Variants in CDA observed in about 807,000 individuals in gnomAD.
CDA encodes the protein cytidine deaminase, also known as cytidine aminohydrolase.
CDA carries 7 observed loss-of-function variants against 15.0 expected under a neutral mutation model. The observed-to-expected ratio is 0.47, with a 90% CI of 0.26 to 0.87. The LOEUF is 0.87. CDA is among the 40% of genes least tolerant of loss of function. The probability of loss-of-function intolerance (pLI) is 0.15; values close to 1 mark genes in which losing one functional copy is unlikely to be tolerated. For missense variants in CDA, 159 were observed against 182.7 expected (o/e 0.87, Z 0.75); for synonymous variants, 58 against 73.0 (o/e 0.79, Z 1.05).
At chr1:20,591,327 C>T (rs537223445) in intron 1 of CDA, among the ~76,000 whole-genome samples, 41 of 151,980 alleles carry the variant, frequency 2.7e-4, no homozygotes, top group African/African-American at 4.1e-4. Context: ...GGCGACAGAG[C>T]GAGACTCTGT....
At chr1:20,612,833 C>T (rs2052765457) in intron 2 of CDA, among the ~76,000 whole-genome samples, 1 of 150,928 alleles carries the variant, frequency 6.6e-6, no homozygotes, top group Non-Finnish European at 1.5e-5. Flanking sequence ...ATCCCAGCTA[C>T]TCGGGAGGTT....
intron 2 of CDA, among the ~76,000 whole-genome samples, chr1:20,609,076 C>T (rs909214792): frequency 2.0e-5 from 3 of 152,158 alleles, no homozygotes; most frequent in African/African-American, 7.2e-5. Flanking sequence ...TTGTTGAAGC[C>T]TACACCAAAT....
chr1:20,593,192 T>C (rs1440257652), intron 1 of CDA, among the ~76,000 whole-genome samples: 1 of 152,046 alleles, frequency 6.6e-6, no homozygotes, highest in African/African-American at 2.4e-5. Flanking sequence ...CTGACTGAGG[T>C]GAGGCATTGA....
chr1:20,615,151 C>T (rs912175533), intron 3 of CDA, among the ~76,000 whole-genome samples: 7 of 152,008 alleles, frequency 4.6e-5, no homozygotes, highest in Non-Finnish European at 1.0e-4. Context: ...TGAGCCACCG[C>T]GCCCAGCCTG....
intron 2 of CDA, among the ~76,000 whole-genome samples, chr1:20,611,507 G>A (rs12068596): frequency 0.9 from 137,004 of 152,222 alleles, 62,022 homozygotes; most frequent in Middle Eastern, 0.96. Flanking sequence ...CAGCCTCCTG[G>A]GTAGCTGGGA....
chr1:20,611,950 C>T (rs1240214663), intron 2 of CDA, among the ~76,000 whole-genome samples: 1 of 152,114 alleles, frequency 6.6e-6, no homozygotes, highest in East Asian at 1.9e-4. Context: ...GCAACCTCCG[C>T]CTCCCAGGCT....
intron 2 of CDA, among the ~76,000 whole-genome samples, chr1:20,610,314 T>A (rs1191696646): frequency 6.6e-6 from 1 of 150,844 alleles, no homozygotes; most frequent in East Asian, 1.9e-4. Flanking sequence ...ATTTTTATTT[T>A]TTTTTGAGAT....
intron 2 of CDA, among the ~76,000 whole-genome samples, chr1:20,606,514 C>T (rs774319943): frequency 8.5e-5 from 13 of 152,234 alleles, no homozygotes; most frequent in Non-Finnish European, 1.8e-4. Flanking sequence ...CATTCCACTA[C>T]ATCATGCTGT....
intron 1 of CDA, among the ~76,000 whole-genome samples, chr1:20,599,068 T>C (rs1570378506): frequency 6.6e-6 from 1 of 152,128 alleles, no homozygotes; most frequent in South Asian, 2.1e-4. Context: ...TTTAGATAGG[T>C]GATCGGAGAA....
intron 2 of CDA, among the ~76,000 whole-genome samples, chr1:20,606,891 T>A (rs1336028633): frequency 1.3e-5 from 2 of 152,230 alleles, no homozygotes; most frequent in Non-Finnish European, 2.9e-5. Flanking sequence ...AATGACTTAA[T>A]GGTGAATTGC....
chr1:20,600,888 G>C (rs2052637987), intron 1 of CDA, among the ~76,000 whole-genome samples: 1 of 152,166 alleles, frequency 6.6e-6, no homozygotes, highest in Non-Finnish European at 1.5e-5. Flanking sequence ...ACTCAGCAGA[G>C]AGACTGAGCA....
At position 20,604,916 on chromosome 1, in the gene CDA, C is replaced by T. The variant is rs2154532355; in HGVS notation, c.155-12C>T. The stretch of plus-strand genomic sequence containing the variant: ...CTGCCAGACATACCACTGGACTCTG[C>T]TCTCTTCTCAGGGTGCAACATAGAA... On this transcript the variant is annotated splice_polypyrimidine_tract_variant and intron_variant, in intron 1 of 3. Coordinates refer to ENST00000375071, the MANE Select transcript of CDA (RefSeq NM_001785.3). The T allele has an allele frequency of 5.7e-6, 9 of 1,572,344 alleles. No individual in the cohort carries two copies. Among genetic ancestry groups the T allele is most frequent in the Non-Finnish European group, 6.1e-6 (7 of 1,144,372 alleles).
chr1:20,606,675 T>C (rs1157767425), intron 2 of CDA, among the ~76,000 whole-genome samples: 1 of 152,170 alleles, frequency 6.6e-6, no homozygotes, highest in Non-Finnish European at 1.5e-5. Context: ...ACAGTAGTTA[T>C]GGTTCAAACT....
chr1:20,599,617 CAAAATAAAATAAAAT>C (rs57315099), intron 1 of CDA, among the ~76,000 whole-genome samples: 26 of 108,034 alleles, frequency 2.4e-4, no homozygotes, highest in African/African-American at 8.3e-4. Context: ...ACTCCGTCTC[CAAAATAAAATAAAAT>C]AAAATAAAAT....
At chr1:20,600,103 A>G (rs2052627938) in intron 1 of CDA, among the ~76,000 whole-genome samples, 1 of 152,176 alleles carries the variant, frequency 6.6e-6, no homozygotes, top group South Asian at 2.1e-4. Flanking sequence ...TAACTGGCCT[A>G]TTACATGTTT....
At chr1:20,602,587 C>G (rs1026491066) in intron 1 of CDA, among the ~76,000 whole-genome samples, 1 of 152,138 alleles carries the variant, frequency 6.6e-6, no homozygotes, top group Admixed American at 6.5e-5. Context: ...CCATGCCAGG[C>G]TAATTTTTGT....
rs1057505037 is a variant in CDA at position 20,618,696 on chromosome 1, A to G, written c.*128A>G. ...GACTGGGCAAAGATGATGTTTCCAG[A>G]TTACACTCCAGCCTGAGTCAGCACC... On this transcript the variant is annotated 3_prime_UTR_variant, in exon 4 of 4. Coordinates refer to ENST00000375071, the MANE Select transcript of CDA (RefSeq NM_001785.3). 9.6e-6 allele frequency: 7 copies of G among 725,586 alleles called. No homozygotes were observed. The highest frequency in any genetic ancestry group is 1.8e-5 in the Non-Finnish European group (7 of 398,678). The allele number at this position is 725,586 out of a possible 1,614,324, so 44.9% of individuals were successfully genotyped here. A position where few individuals can be genotyped will look rare whatever the true frequency, so the allele number is the denominator to read the frequency against.
intron 1 of CDA, among the ~76,000 whole-genome samples, chr1:20,599,191 G>A (rs1570378590): frequency 6.6e-6 from 1 of 152,296 alleles, no homozygotes; most frequent in African/African-American, 2.4e-5. Flanking sequence ...CCCTGTGGCA[G>A]GAGCATACTG....
chr1:20,592,680 G>C (rs2052559216), intron 1 of CDA, among the ~76,000 whole-genome samples: 1 of 152,204 alleles, frequency 6.6e-6, no homozygotes, highest in Admixed American at 6.5e-5. Context: ...GCCTCTGTAA[G>C]GTTTGTTGAA....
Sources: allele counts gnomAD v4.1 joint callset (sites outside exome capture counted in the v4.1 genomes callset), GRCh38; gene constraint gnomAD v4.1.1; transcripts MANE v1.5; gene names NCBI Gene and HGNC (gene_info 2026-07-23, HGNC 2026-07-21).